Variants in MAP4K3 observed in about 807,000 individuals in gnomAD.
The protein encoded by MAP4K3 is mitogen-activated protein kinase kinase kinase kinase 3.
A neutral mutation model predicts 143.5 loss-of-function variants in MAP4K3; 94 were observed. The ratio of observed to expected loss-of-function variants is 0.65; its 90% CI spans 0.55 to 0.78. MAP4K3 has a LOEUF of 0.78. Among genes scored for constraint, MAP4K3 ranks in the 30% least tolerant of loss-of-function variants. The pLI is 0.00. For synonymous variants in MAP4K3, 416 were observed against 347.2 expected, an observed-to-expected ratio of 1.20 and a Z score of -2.20; for missense variants, 1,077 against 1,068.1, an observed-to-expected ratio of 1.01 and a Z score of -0.12.
At position 39,290,796 on chromosome 2, in the gene MAP4K3, C is replaced by A. The variant is rs77501702; in HGVS notation, c.1272-462G>T. 6.9e-3 allele frequency among the ~76,000 whole-genome samples: 1,050 copies of A among 152,224 alleles called. 15 individuals carry two copies. The highest frequency in any genetic ancestry group is 0.024 in the African/African-American group (994 of 41,530). On this transcript the variant is annotated intron_variant, in intron 18 of 33. Coordinates refer to ENST00000263881, the MANE Select transcript of MAP4K3 (RefSeq NM_003618.4). ...CTATAGTTAACAATAACGGGCCGGGCGTGGTGGCTCACGCCTGTAATTCCA... is the reference window on the plus strand; with the variant it reads ...CTATAGTTAACAATAACGGGCCGGGAGTGGTGGCTCACGCCTGTAATTCCA...
chr2:39,339,112 T>C (rs1665068564), intron 4 of MAP4K3, among the ~76,000 whole-genome samples: 2 of 152,234 alleles, frequency 1.3e-5, no homozygotes, highest in Admixed American at 6.5e-5. Context: ...GATAGTAAAC[T>C]CACATTTACA....
intron 13 of MAP4K3, among the ~76,000 whole-genome samples, chr2:39,310,752 T>C (rs1682911681): frequency 6.6e-6 from 1 of 152,204 alleles, no homozygotes; most frequent in South Asian, 2.1e-4. Context: ...GCATGTGTTA[T>C]TTTTTGGCTT....
In MAP4K3 at chr2:39,267,223, G is replaced by C; in HGVS notation, c.1998C>G (p.Ile666Met). ...LPRKFSVSAK[I>M]PETKWCQKCC... ...ACTTCTGGCACCATTTGGTTTCAGG[G>C]ATTTTTGCTGATACAGAAAATTTCC... Residue 666 changes from isoleucine to methionine, a missense_variant, in exon 27 of 34, where the codon ATC becomes ATG. Transcript: ENST00000263881. The C allele has an allele frequency of 1.2e-6, 2 of 1,613,988 alleles. No homozygotes were observed. The highest frequency in any genetic ancestry group is 1.7e-6 in the Non-Finnish European group (2 of 1,179,948).
chr2:39,315,189 T>C (rs1683071473), intron 13 of MAP4K3, 121 bp downstream of exon 13: 3 of 609,978 alleles, frequency 4.9e-6, no homozygotes, highest in African/African-American at 1.9e-5. Context: ...AATTAAACTT[T>C]ACCTTTAACA....
At chr2:39,412,135 G>C (rs1180677603) in intron 1 of MAP4K3, among the ~76,000 whole-genome samples, 2 of 152,180 alleles carry the variant, frequency 1.3e-5, no homozygotes, top group South Asian at 2.1e-4. Flanking sequence ...AAACTGCAAT[G>C]ATTTGCCAAA....
chr2:39,274,413 G>A (rs1033691501), intron 24 of MAP4K3, among the ~76,000 whole-genome samples: 4 of 151,826 alleles, frequency 2.6e-5, no homozygotes, highest in Non-Finnish European at 5.9e-5. Flanking sequence ...GTAGAGACGG[G>A]GTTTCACCGT....
At chr2:39,321,431 A>G (rs1368309964) in intron 12 of MAP4K3, among the ~76,000 whole-genome samples, 1 of 152,198 alleles carries the variant, frequency 6.6e-6, no homozygotes, top group Non-Finnish European at 1.5e-5. Flanking sequence ...CCTAATCTCA[A>G]GTACCCAGGG....
intron 1 of MAP4K3, among the ~76,000 whole-genome samples, chr2:39,434,291 T>C (rs925916944): frequency 3.0e-4 from 45 of 151,918 alleles, no homozygotes; most frequent in Non-Finnish European, 5.2e-4. Context: ...GCAAAACAAA[T>C]AACAAAAAAA....
intron 1 of MAP4K3, among the ~76,000 whole-genome samples, chr2:39,401,749 C>T (rs542720491): frequency 6.6e-6 from 1 of 152,110 alleles, no homozygotes; most frequent in East Asian, 1.9e-4. Context: ...TACAGTGAGC[C>T]AAGATGGCAA....
intron 2 of MAP4K3, among the ~76,000 whole-genome samples, chr2:39,372,336 C>A (rs1336935812): frequency 6.6e-6 from 1 of 151,696 alleles, no homozygotes; most frequent in Non-Finnish European, 1.5e-5. Context: ...CTGGAAGAAT[C>A]AATATTGTTA....
At chr2:39,416,441 C>A (rs536315765) in intron 1 of MAP4K3, among the ~76,000 whole-genome samples, 1 of 152,104 alleles carries the variant, frequency 6.6e-6, no homozygotes, top group East Asian at 1.9e-4. Flanking sequence ...AGGGTGAGAA[C>A]CACATGCTTC....
intron 16 of MAP4K3, among the ~76,000 whole-genome samples, chr2:39,295,190 G>A (rs2148483090): frequency 1.3e-5 from 2 of 152,014 alleles, no homozygotes; most frequent in East Asian, 3.9e-4. Flanking sequence ...ACCTTTTATG[G>A]CAATTATTCA....
chr2:39,437,156 G>C lies in MAP4K3; in HGVS notation c.-169C>G, dbSNP rs972262921. 7 of 412,632 alleles carry C rather than the reference G, an allele frequency of 1.7e-5. No individual in the cohort carries two copies. Among genetic ancestry groups the C allele is most frequent in the Admixed American group, 9.3e-5 (2 of 21,424 alleles). 25.6% of individuals were successfully genotyped at this position (412,632 alleles called of 1,614,324 possible). A position where few individuals can be genotyped will look rare whatever the true frequency, so the allele number is the denominator to read the frequency against. On this transcript the variant is annotated 5_prime_UTR_variant, in exon 1 of 34. Coordinates refer to ENST00000263881, the MANE Select transcript of MAP4K3 (RefSeq NM_003618.4). ...CCGCCGCCGCTCCCCTCACGCCGCT[G>C]CGGACGACGACAAGCGGCCAATCGT...
intron 15 of MAP4K3, among the ~76,000 whole-genome samples, chr2:39,304,099 T>A (rs886111035): frequency 6.6e-6 from 1 of 152,106 alleles, no homozygotes; most frequent in South Asian, 2.1e-4. Flanking sequence ...ATACTGTCAA[T>A]TCTAAAAAAT....
At position 39,298,639 on chromosome 2, in the gene MAP4K3, T is replaced by C. The variant is rs913064365; in HGVS notation, c.1178+1104A>G. On this transcript the variant is annotated intron_variant, in intron 16 of 33. Transcript: ENST00000263881. ...TTAACTTAAAATATGGGAATATATA[T>C]GTCTCAACTCTCTAATGCAACTGAA... is the stretch of plus-strand genomic sequence containing the variant. Among the ~76,000 whole-genome samples, 6 of 152,298 alleles carry C rather than the reference T, an allele frequency of 3.9e-5. No homozygotes were observed. The East Asian group carries it at 1.2e-3, about 29-fold the overall frequency.
At chr2:39,290,194 G>T in intron 19 of MAP4K3, 98 bp downstream of exon 19, 4 of 795,834 alleles carry the variant, frequency 5.0e-6, no homozygotes, top group Non-Finnish European at 5.7e-6. Context: ...ATTTTTCTTT[G>T]TGGATCACAA....
rs17023556 is a variant in MAP4K3 at position 39,280,188 on chromosome 2, A to T, written c.1714+84T>A. On this transcript the variant is annotated intron_variant, in intron 23 of 33. Coordinates refer to ENST00000263881, the MANE Select transcript of MAP4K3 (RefSeq NM_003618.4). ...ACTTTTTTTCCCCAGAAAGATACTC[A>T]GAAAATAAACAAAATCACAAATGCT... The T allele has an allele frequency of 6.6e-3, 5,332 of 805,668 alleles. 222 individuals carry two copies. In the African/African-American group the frequency reaches 0.084, roughly 13 times the overall value. 49.9% of individuals were successfully genotyped at this position (805,668 alleles called of 1,614,324 possible). A position where few individuals can be genotyped will look rare whatever the true frequency, so the allele number is the denominator to read the frequency against.
chr2:39,282,171 G>A (rs1681560768), intron 22 of MAP4K3, among the ~76,000 whole-genome samples: 1 of 151,306 alleles, frequency 6.6e-6, no homozygotes. Flanking sequence ...CTCTAGCCTG[G>A]GCAACAGAGT....
Position 39,258,422 on chromosome 2 carries a change from T to C in MAP4K3, c.2396A>G (p.Asn799Ser). Reference protein sequence around the residue: ...VCLDCCIKIVNLQGRLKSSRK... With the variant: ...VCLDCCIKIVSLQGRLKSSRK... Reference sequence around the variant, plus strand: ...GCTAGATTTTAATCTTCCTTGGAGATTTACTATTTTTATACAACCTAGAGG... The same window carrying C: ...GCTAGATTTTAATCTTCCTTGGAGACTTACTATTTTTATACAACCTAGAGG... Residue 799 changes from asparagine to serine, a missense_variant, in exon 31 of 34, where the codon AAT (asparagine) becomes AGT (serine). Physicochemically the swap from Asn to Ser is conservative, Grantham distance 46. Transcript: ENST00000263881. The C allele has an allele frequency of 8.7e-6, 14 of 1,610,334 alleles. No individual in the cohort carries two copies. The highest frequency in any genetic ancestry group is 1.3e-5 in the African/African-American group (1 of 74,894).
Sources: allele counts gnomAD v4.1 joint callset (sites outside exome capture counted in the v4.1 genomes callset), GRCh38; gene constraint gnomAD v4.1.1; transcripts MANE v1.5; gene names NCBI Gene and HGNC (gene_info 2026-07-23, HGNC 2026-07-21).